Variants in TPD52L1 observed in about 807,000 individuals in gnomAD.
The protein encoded by TPD52L1 is TPD52 like 1.
Under a neutral mutation model 28.7 loss-of-function variants are expected in TPD52L1, and 18 were observed. The ratio of observed to expected loss-of-function variants is 0.63; its 90% CI spans 0.43 to 0.93. The LOEUF (loss-of-function observed/expected upper bound fraction) is 0.93, where lower values mean the gene tolerates loss of function less well. TPD52L1 is among the 40% of genes least tolerant of loss of function. The pLI is 0.00. For synonymous variants in TPD52L1, 75 were observed against 88.8 expected (o/e 0.84, Z 0.88); for missense variants, 203 against 254.8 (o/e 0.80, Z 1.39).
chr6:125,254,861 T>G (rs1797501932), intron 5 of TPD52L1, among the ~76,000 whole-genome samples: 1 of 152,230 alleles, frequency 6.6e-6, no homozygotes, highest in African/African-American at 2.4e-5. Flanking sequence ...TGTATTCTAG[T>G]ATAATTTAAT....
At chr6:125,253,941 C>A in intron 5 of TPD52L1, 186 bp downstream of exon 5, 1 of 763,754 alleles carries the variant, frequency 1.3e-6, no homozygotes, top group Non-Finnish European at 2.4e-6. Flanking sequence ...GACATCCTGG[C>A]TTAAATCTAG....
At chr6:125,178,119 A>C (rs1005737944) in intron 1 of TPD52L1, among the ~76,000 whole-genome samples, 2 of 152,236 alleles carry the variant, frequency 1.3e-5, no homozygotes, top group Admixed American at 6.5e-5. Context: ...ATCATAATAT[A>C]AAATAACAAA....
At chr6:125,157,948 C>G (rs1214967028) in intron 1 of TPD52L1, among the ~76,000 whole-genome samples, 1 of 152,130 alleles carries the variant, frequency 6.6e-6, no homozygotes, top group East Asian at 1.9e-4. Context: ...TCTGGAGGCT[C>G]TAAGAAAGAA....
At chr6:125,160,464 A>G (rs1004413737) in intron 1 of TPD52L1, among the ~76,000 whole-genome samples, 1 of 152,192 alleles carries the variant, frequency 6.6e-6, no homozygotes, top group Non-Finnish European at 1.5e-5. Flanking sequence ...GGCTCAAGCA[A>G]TCCTCCTGCC....
intron 1 of TPD52L1, among the ~76,000 whole-genome samples, chr6:125,219,124 C>T (rs1795064752): frequency 6.6e-6 from 1 of 152,298 alleles, no homozygotes; most frequent in Middle Eastern, 3.4e-3. Flanking sequence ...TCTTTCCCTA[C>T]AGAGGTGTAA....
intron 1 of TPD52L1, among the ~76,000 whole-genome samples, chr6:125,219,188 C>T (rs1287914127): frequency 6.6e-6 from 1 of 152,180 alleles, no homozygotes; most frequent in Non-Finnish European, 1.5e-5. Flanking sequence ...GAGTGTGGAC[C>T]TGTTTCCTGG....
chr6:125,227,222 T>C (rs1005011418), intron 2 of TPD52L1, among the ~76,000 whole-genome samples: 13 of 152,242 alleles, frequency 8.5e-5, no homozygotes, highest in African/African-American at 3.1e-4. Context: ...TACTGTGGTA[T>C]TTAAGATGCT....
Position 125,220,191 on chromosome 6 carries a change from C to T in TPD52L1, c.133C>T (p.Gln45Ter). Residue 45 changes from glutamine (Q) to a stop codon, truncating the protein, a stop_gained and splice_region_variant, in exon 2 of 7, where the codon CAG becomes TAG. Transcript: ENST00000534000. LOFTEE classifies it high-confidence loss of function. ...EKEELKAELV[Q>*]LEDEITTLRQ... The stretch of plus-strand genomic sequence containing the variant: ...GGAAGAGTTAAAAGCAGAGTTAGTT[C>T]AGGTATGTTTAGTAATCTTATTGTT... 1 of 1,600,922 alleles carries T rather than the reference C, an allele frequency of 6.2e-7. No homozygotes were observed. The highest frequency in any genetic ancestry group is 1.1e-5 in the South Asian group (1 of 90,760).
intron 1 of TPD52L1, among the ~76,000 whole-genome samples, chr6:125,207,307 C>G (rs1009878530): frequency 4.6e-5 from 7 of 152,162 alleles, no homozygotes; most frequent in Non-Finnish European, 1.0e-4. Flanking sequence ...ATTCTGTAAC[C>G]TAACAGATTT....
intron 1 of TPD52L1, among the ~76,000 whole-genome samples, chr6:125,202,737 G>A (rs947293038): frequency 6.6e-6 from 1 of 151,360 alleles, no homozygotes; most frequent in South Asian, 2.1e-4. Flanking sequence ...AAAATGTAAG[G>A]AGGCTGAGTG....
chr6:125,215,288 C>G (rs1448008859), intron 1 of TPD52L1, among the ~76,000 whole-genome samples: 1 of 152,110 alleles, frequency 6.6e-6, no homozygotes, highest in Non-Finnish European at 1.5e-5. Flanking sequence ...CCTTTTTAAT[C>G]CAACTCCTCT....
intron 1 of TPD52L1, among the ~76,000 whole-genome samples, chr6:125,212,414 C>A (rs1794585035): frequency 1.3e-5 from 2 of 152,140 alleles, no homozygotes; most frequent in Non-Finnish European, 1.5e-5. Flanking sequence ...GGCTACTGAT[C>A]CAAAATCATA....
At chr6:125,244,997 T>C (rs1343588556) in intron 3 of TPD52L1, among the ~76,000 whole-genome samples, 1 of 152,204 alleles carries the variant, frequency 6.6e-6, no homozygotes, top group East Asian at 1.9e-4. Flanking sequence ...TTTCTCTTCT[T>C]AGTCTAACCA....
chr6:125,225,585 C>T (rs546903872), intron 2 of TPD52L1, among the ~76,000 whole-genome samples: 7 of 152,184 alleles, frequency 4.6e-5, no homozygotes, highest in South Asian at 2.1e-4. Context: ...AATATTCATC[C>T]TACAAGGAGA....
chr6:125,164,252 C>T (rs901657488), intron 1 of TPD52L1, among the ~76,000 whole-genome samples: 2 of 152,146 alleles, frequency 1.3e-5, no homozygotes, highest in Non-Finnish European at 2.9e-5. Context: ...CATATGTGGG[C>T]AGGGTCTAAG....
At chr6:125,171,758 T>C (rs1791314538) in intron 1 of TPD52L1, among the ~76,000 whole-genome samples, 1 of 152,196 alleles carries the variant, frequency 6.6e-6, no homozygotes, top group Non-Finnish European at 1.5e-5. Context: ...TGCAGCTTCA[T>C]GAGACCCTGG....
intron 1 of TPD52L1, among the ~76,000 whole-genome samples, chr6:125,211,190 A>G (rs1298030408): frequency 6.6e-6 from 1 of 152,148 alleles, no homozygotes; most frequent in South Asian, 2.1e-4. Flanking sequence ...TGAGAAGGAT[A>G]AAAGGAGAAA....
chr6:125,166,188 G>T (rs1445781334), intron 1 of TPD52L1, among the ~76,000 whole-genome samples: 1 of 152,204 alleles, frequency 6.6e-6, no homozygotes, highest in African/African-American at 2.4e-5. Flanking sequence ...GGGGTAGTGG[G>T]AGGAGATCTC....
At position 125,255,522 on chromosome 6, in the gene TPD52L1, A is replaced by G. The variant is rs551482488; in HGVS notation, c.426-1576A>G. Among the ~76,000 whole-genome samples, 4 of 152,314 alleles carry G rather than the reference A, an allele frequency of 2.6e-5. No homozygotes were observed. In the South Asian group the frequency reaches 8.3e-4, roughly 32 times the overall value. ...CATGTCAGGGCCCTCTGAATTCACC[A>G]TTGTTAATCTGTACAGCCTGAATGC... On this transcript the variant is annotated intron_variant, in intron 5 of 6. Transcript: ENST00000534000.
Sources: allele counts gnomAD v4.1 joint callset (sites outside exome capture counted in the v4.1 genomes callset), GRCh38; gene constraint gnomAD v4.1.1; transcripts MANE v1.5; gene names NCBI Gene and HGNC (gene_info 2026-07-23, HGNC 2026-07-21).